POU6F2: variants seen among roughly 807,000 people sequenced by gnomAD.
POU6F2 encodes POU class 6 homeobox 2.
In POU6F2, 31 loss-of-function variants were observed where a neutral mutation model predicts 71.3. The ratio of observed to expected loss-of-function variants is 0.43; its 90% CI spans 0.33 to 0.59. The LOEUF (loss-of-function observed/expected upper bound fraction) is 0.59. POU6F2 is among the 20% of genes least tolerant of loss of function. The pLI is 0.04. For synonymous variants in POU6F2, 347 were observed against 355.7 expected, an observed-to-expected ratio of 0.98 and a Z score of 0.27; for missense variants, 783 against 856.8, an observed-to-expected ratio of 0.91 and a Z score of 1.07.
At chr7:39,230,373 T>A (rs1489194807) in intron 4 of POU6F2, among the ~76,000 whole-genome samples, 1 of 151,994 alleles carries the variant, frequency 6.6e-6, no homozygotes, top group Non-Finnish European at 1.5e-5. Flanking sequence ...TAGCCTCAGC[T>A]ATTTTGGAGA....
intron 4 of POU6F2, among the ~76,000 whole-genome samples, chr7:39,297,425 A>C (rs1361566779): frequency 1.3e-5 from 2 of 152,212 alleles, no homozygotes; most frequent in East Asian, 3.8e-4. Context: ...TTATTATAAT[A>C]CAAGAAAAAC....
At chr7:39,293,434 C>T (rs1213189112) in intron 4 of POU6F2, among the ~76,000 whole-genome samples, 1 of 152,192 alleles carries the variant, frequency 6.6e-6, no homozygotes, top group Non-Finnish European at 1.5e-5. Flanking sequence ...GCAGTCTATT[C>T]ATATAATAAG....
At chr7:39,042,081 A>G (rs1210369904) in intron 1 of POU6F2, among the ~76,000 whole-genome samples, 2 of 152,008 alleles carry the variant, frequency 1.3e-5, no homozygotes, top group African/African-American at 4.8e-5. Context: ...TGGGAGGAAC[A>G]GAGGGAAAGT....
intron 6 of POU6F2, among the ~76,000 whole-genome samples, chr7:39,427,305 TCTC>T (rs1787994449): frequency 6.6e-6 from 1 of 152,326 alleles, no homozygotes; most frequent in Non-Finnish European, 1.5e-5. Context: ...TCACCAATGA[TCTC>T]CTACTAGTTG....
At chr7:39,291,285 C>T (rs1350074067) in intron 4 of POU6F2, among the ~76,000 whole-genome samples, 1 of 152,218 alleles carries the variant, frequency 6.6e-6, no homozygotes, top group Non-Finnish European at 1.5e-5. Flanking sequence ...CATTAACCTA[C>T]ATTTGACCTG....
rs372023280 is a variant in POU6F2 at position 39,034,131 on chromosome 7, A to G, written c.106-51729A>G. On this transcript the variant is annotated intron_variant, in intron 1 of 9. Transcript: ENST00000518318. ...TGCATCATAATGAAGGTGATTTATT[A>G]TAATTAAAACTGTGTGGAGAGGAGC... Among the ~76,000 whole-genome samples the G allele has an allele frequency of 5.6e-4, 85 of 152,296 alleles. No homozygotes were observed. In the South Asian group the frequency reaches 0.013, roughly 24 times the overall value.
Position 39,050,362 on chromosome 7 carries a change from A to G in POU6F2, c.106-35498A>G, listed in dbSNP as rs76230312. 7.6e-3 allele frequency among the ~76,000 whole-genome samples: 1,149 copies of G among 152,174 alleles called. 24 individuals are homozygous for G. The highest frequency in any genetic ancestry group is 0.026 in the African/African-American group (1,064 of 41,526). On this transcript the variant is annotated intron_variant, in intron 1 of 9. Coordinates refer to ENST00000518318, the MANE Select transcript of POU6F2 (RefSeq NM_001370959.1). Reference sequence around the variant, plus strand: ...TATGTGGATTCAGGAAAAAGTTTATAGTTCAGACAGTTTTTAGTTCAGGCT... The same window carrying G: ...TATGTGGATTCAGGAAAAAGTTTATGGTTCAGACAGTTTTTAGTTCAGGCT...
intron 6 of POU6F2, among the ~76,000 whole-genome samples, chr7:39,419,908 T>C (rs1007466319): frequency 2.0e-5 from 3 of 152,222 alleles, no homozygotes; most frequent in African/African-American, 7.2e-5. Context: ...GACATGACTA[T>C]GTGGCTGCTA....
chr7:39,197,807 T>C (rs1793817960), intron 2 of POU6F2, among the ~76,000 whole-genome samples: 1 of 152,242 alleles, frequency 6.6e-6, no homozygotes, highest in African/African-American at 2.4e-5. Flanking sequence ...TTTTAAGGAT[T>C]TGAACTCACT....
At chr7:39,372,769 C>T (rs941148155) in intron 5 of POU6F2, among the ~76,000 whole-genome samples, 1 of 152,146 alleles carries the variant, frequency 6.6e-6, no homozygotes, top group African/African-American at 2.4e-5. Flanking sequence ...TAGTGCTTCT[C>T]ATTATCAAAT....
At chr7:39,057,877 A>G (rs888711589) in intron 1 of POU6F2, among the ~76,000 whole-genome samples, 4 of 152,162 alleles carry the variant, frequency 2.6e-5, no homozygotes, top group African/African-American at 9.7e-5. Flanking sequence ...TTACTAGTCT[A>G]TTCTTCACAG....
At chr7:39,083,880 CAGAG>C (rs915369330) in intron 1 of POU6F2, 1 of 152,032 alleles carries the variant, frequency 6.6e-6, no homozygotes, top group Admixed American at 6.6e-5. Context: ...CTGGTGCTGA[CAGAG>C]AGTAGTATTT....
At chr7:39,335,072 C>T (rs772349345) in intron 4 of POU6F2, among the ~76,000 whole-genome samples, 5 of 152,206 alleles carry the variant, frequency 3.3e-5, no homozygotes, top group Non-Finnish European at 7.3e-5. Flanking sequence ...CAAGCCTGAG[C>T]ACAGAGCTGC....
At chr7:38,994,233 G>A (rs1482086067) in intron 1 of POU6F2, among the ~76,000 whole-genome samples, 3 of 152,064 alleles carry the variant, frequency 2.0e-5, no homozygotes, top group Non-Finnish European at 4.4e-5. Flanking sequence ...TGGGTGTGAG[G>A]AGTCACTCAG....
chr7:39,269,967 T>C (rs1008263290), intron 4 of POU6F2, among the ~76,000 whole-genome samples: 5 of 152,224 alleles, frequency 3.3e-5, no homozygotes, highest in African/African-American at 1.2e-4. Flanking sequence ...TCTCAATATT[T>C]TCCAATAATA....
At chr7:39,449,465 G>C (rs1043053706) in intron 7 of POU6F2, among the ~76,000 whole-genome samples, 1 of 152,160 alleles carries the variant, frequency 6.6e-6, no homozygotes, top group Non-Finnish European at 1.5e-5. Context: ...GTGAGATTGT[G>C]GAGCAACTGG....
chr7:39,075,697 C>A (rs1020411567), intron 1 of POU6F2, among the ~76,000 whole-genome samples: 9 of 152,206 alleles, frequency 5.9e-5, no homozygotes, highest in Non-Finnish European at 8.8e-5. Flanking sequence ...GTAGTGCTGG[C>A]AGTGGCCAGC....
At chr7:39,047,493 A>G (rs1252020663) in intron 1 of POU6F2, among the ~76,000 whole-genome samples, 1 of 151,702 alleles carries the variant, frequency 6.6e-6, no homozygotes, top group East Asian at 1.9e-4. Context: ...TGTATTCTTG[A>G]TTTGATTTTC....
At chr7:39,365,548 TA>T (rs1786484386) in intron 5 of POU6F2, among the ~76,000 whole-genome samples, 1 of 152,044 alleles carries the variant, frequency 6.6e-6, no homozygotes, top group Non-Finnish European at 1.5e-5. Context: ...TTAATTAAAC[TA>T]AAGAGCTTTT....
Sources: gnomAD v4.1 joint callset for allele counts (sites outside exome capture counted in the v4.1 genomes callset) on GRCh38, gnomAD v4.1.1 for gene constraint, MANE v1.5 for transcripts, NCBI Gene and HGNC (gene_info 2026-07-23, HGNC 2026-07-21) for gene names.